The following MGAM variants were observed in gnomAD, a reference collection of about 807,000 sequenced individuals.
MGAM encodes the protein maltase-glucoamylase.
Under a neutral mutation model 358.8 loss-of-function variants are expected in MGAM, and 253 were observed. That is an observed-to-expected ratio of 0.71 (90% confidence interval 0.64 to 0.78). The LOEUF is 0.78. Ranked by LOEUF, MGAM falls within the 30% of genes least tolerant of loss-of-function variation. The probability of loss-of-function intolerance (pLI) is 0.00; values close to 1 mark genes in which losing one functional copy is unlikely to be tolerated. For synonymous variants in MGAM, 1,105 were observed against 1,227.1 expected (o/e 0.90, Z 2.08); for missense variants, 3,080 against 3,432.6 (o/e 0.90, Z 2.57).
chr7:141,990,925 GT>G (rs1434735379), upstream of MGAM, among the ~76,000 whole-genome samples: 1 of 152,104 alleles, frequency 6.6e-6, no homozygotes, highest in Non-Finnish European at 1.5e-5. Context: ...TCTCTGTCCA[GT>G]AGCATTTGCT....
chr7:142,019,137 G>C (rs1554457388), intron 3 of MGAM, 62 bp from the exon 4 acceptor site: 3 of 1,543,500 alleles, frequency 1.9e-6, no homozygotes, highest in Non-Finnish European at 2.6e-6. Flanking sequence ...GATGTTTCGT[G>C]CTTTATAAAT....
chr7:142,081,935 C>T (rs1814334143), intron 50 of MGAM, 107 bp from the exon 51 acceptor site: 5 of 1,171,662 alleles, frequency 4.3e-6, no homozygotes, highest in Non-Finnish European at 6.2e-6. Flanking sequence ...GGGAGATGAA[C>T]AGCTTCTGGG....
chr7:142,050,136 T>C lies in MGAM; in HGVS notation c.2588-99T>C, dbSNP rs1585010592. On this transcript the variant is annotated intron_variant, in intron 22 of 70. Coordinates refer to ENST00000475668, the MANE Select transcript of MGAM (RefSeq NM_001365693.1). ...TCCATAAGGAAAAGGAAAACTGCTA[T>C]GTGTGACCTCAAGGCATAGCTGAAA... 1.7e-5 allele frequency: 19 copies of C among 1,124,090 alleles called. No homozygotes were observed. In the Admixed American group the frequency reaches 3.2e-4, roughly 19 times the overall value. The allele number at this position is 1,124,090 out of a possible 1,614,324, so 69.6% of individuals were successfully genotyped here.
Position 142,102,632 on chromosome 7 carries a change from A to G in MGAM, c.7966A>G (p.Thr2656Ala), listed in dbSNP as rs1206987147. The G allele has an allele frequency of 1.2e-6, 2 of 1,613,112 alleles. No homozygotes were observed. Among genetic ancestry groups the G allele is most frequent in the Non-Finnish European group, 1.7e-6 (2 of 1,179,580 alleles). The change falls in exon 69 of 71, where the codon ACC becomes GCC. Residue 2656 changes from threonine (T) to alanine (A), a missense_variant and splice_region_variant. This residue lies in a region of MGAM where 194 missense variants were observed against 172.8 expected (regional missense o/e 1.12). Transcript: ENST00000475668. The stretch of plus-strand genomic sequence containing the variant: ...TTTATCTTGTTTTTTGTTTGCAGAT[A>G]CCTATGGGAAAGGACTCTATTACTT... ...LFWDDGQSID[T>A]YGKGLYYLAS...
intron 40 of MGAM, among the ~76,000 whole-genome samples, chr7:142,066,349 C>T (rs1372857891): frequency 2.7e-5 from 4 of 145,848 alleles, no homozygotes; most frequent in African/African-American, 9.7e-5. Context: ...CAGAATTTTA[C>T]CAAATGTTCC....
At position 142,041,585 on chromosome 7, in the gene MGAM, T is replaced by C. The variant is rs1411309454; in HGVS notation, c.2498+739T>C. 4.0e-5 allele frequency among the ~76,000 whole-genome samples: 6 copies of C among 151,822 alleles called. No homozygotes were observed. The East Asian group carries it at 1.2e-3, about 29-fold the overall frequency. On this transcript the variant is annotated intron_variant, in intron 21 of 70. Transcript: ENST00000475668. The stretch of plus-strand genomic sequence containing the variant: ...TCCAAAGTCTTTCATTAATAGGGTA[T>C]TCAAAACCAATCACAACCTGGTTTC...
chr7:142,025,238 A>G (rs1806845630), intron 8 of MGAM, 89 bp downstream of exon 8: 1 of 996,458 alleles, frequency 1.0e-6, no homozygotes, highest in Admixed American at 2.0e-5. Context: ...GGATCCCTTT[A>G]AGAGTGACTG....
rs192658844 is a variant in MGAM at position 142,066,491 on chromosome 7, T to C, written c.4771-82T>C. 3.4e-5 allele frequency: 49 copies of C among 1,428,154 alleles called. 4 individuals carry two copies. Among genetic ancestry groups the C allele is most frequent in the South Asian group, 2.1e-4 (17 of 82,150 alleles). The allele number at this position is 1,428,154 out of a possible 1,614,324, so 88.5% of individuals were successfully genotyped here. ...TTGTTTAGCTGTGAGTGATCTTCAA[T>C]TGGAGTATGCTTTTAGTGACCTTCT... On this transcript the variant is annotated intron_variant, in intron 40 of 70. Coordinates refer to ENST00000475668, the MANE Select transcript of MGAM (RefSeq NM_001365693.1).
At chr7:142,055,958 A>G (rs1276457632) in intron 28 of MGAM, 42 bp from the exon 29 acceptor site, 1 of 1,562,626 alleles carries the variant, frequency 6.4e-7, no homozygotes, top group African/African-American at 1.4e-5. Context: ...CTCAGGCATA[A>G]TGTCTTTTAA....
intron 58 of MGAM, 139 bp downstream of exon 58, chr7:142,092,186 C>G: frequency 8.1e-7 from 1 of 1,232,310 alleles, no homozygotes; most frequent in Non-Finnish European, 1.1e-6. Flanking sequence ...TTCCTCCTCT[C>G]AGGAGAGGAA....
intron 45 of MGAM, among the ~76,000 whole-genome samples, chr7:142,074,599 T>C (rs1171965315): frequency 6.8e-6 from 1 of 146,208 alleles, no homozygotes; most frequent in Non-Finnish European, 1.5e-5. Context: ...CGTTTTAGCA[T>C]ATTTGTGGGT....
rs759760380 is a variant in MGAM at position 142,076,248 on chromosome 7, C to T, written c.5321C>T (p.Thr1774Ile). Reference sequence around the variant, plus strand: ...TATCTTTTATGTGAGTTTTCTGTCACTCAAGTGAGTAGCATATTTTTATGA... The same window carrying T: ...TATCTTTTATGTGAGTTTTCTGTCATTCAAGTGAGTAGCATATTTTTATGA... The part of the protein sequence containing the change: ...KVYLLCEFSV[T>I]QNHLEVTISQ... Residue 1774 changes from threonine (T) to isoleucine (I), a missense_variant, in exon 46 of 71, where the codon ACT becomes ATT. Thr to Ile is a moderately conservative substitution (Grantham distance 89). This residue lies in a region of MGAM where 932 missense variants were observed against 1,198.2 expected (regional missense o/e 0.78). Transcript: ENST00000475668. 2.0e-6 allele frequency: 3 copies of T among 1,538,162 alleles called. No homozygotes were observed. The highest frequency in any genetic ancestry group is 2.2e-5 in the South Asian group (2 of 88,906).
intron 44 of MGAM, among the ~76,000 whole-genome samples, chr7:142,071,519 A>T (rs1465026103): frequency 6.8e-6 from 1 of 146,276 alleles, no homozygotes; most frequent in South Asian, 2.2e-4. Context: ...GCTAACAGCC[A>T]GGTGGTCAGC....
rs1366120943 is a variant in MGAM at position 142,050,097 on chromosome 7, T to C, written c.2588-138T>C. ...AAAGAAATGTGATACACATATACAA[T>C]TGAAAATTATTCATCCATAAGGAAA... is the stretch of plus-strand genomic sequence containing the variant. On this transcript the variant is annotated intron_variant, in intron 22 of 70. Transcript: ENST00000475668. The C allele has an allele frequency of 6.7e-6, 5 of 748,640 alleles. No individual in the cohort carries two copies. The Admixed American group carries it at 6.8e-5, about 10-fold the overall frequency. 46.4% of individuals were successfully genotyped at this position (748,640 alleles called of 1,614,324 possible). A position where few individuals can be genotyped will look rare whatever the true frequency, so the allele number is the denominator to read the frequency against.
In MGAM at chr7:142,094,298, C is replaced by G. The variant is rs111346089; in HGVS notation, c.7173-66C>G. On this transcript the variant is annotated intron_variant, in intron 60 of 70. Transcript: ENST00000475668. ...TGACTAGGCTCAAGGGCTCTGGGAG[C>G]AGATGCTCTATGGCCTTTGCTTCCT... 3,371 of 1,471,518 alleles carry G rather than the reference C, an allele frequency of 2.3e-3. 190 individuals carry two copies. The African/African-American group carries it at 0.04, about 18-fold the overall frequency. The allele number at this position is 1,471,518 out of a possible 1,614,324, so 91.2% of individuals were successfully genotyped here.
chr7:142,085,848 G>C lies in MGAM; in HGVS notation c.6523G>C (p.Asp2175His), dbSNP rs573177212. The change falls in exon 55 of 71, where the codon GAC (aspartate) becomes CAC (histidine). Residue 2175 changes from aspartate (D) to histidine (H), a missense_variant. Asp to His is a moderately conservative substitution (Grantham distance 81). Transcript: ENST00000475668. ...AQIPYDVQYS[D>H]IDYMERQLDF... ...CCTCCCGCAGGACGTGCAGTACTCA[G>C]ACATCGACTACATGGAGCGGCAGCT... is the stretch of plus-strand genomic sequence containing the variant. 116 of 1,565,320 alleles carry C rather than the reference G, an allele frequency of 7.4e-5. 11 individuals carry two copies. The Middle Eastern group carries it at 1.7e-3, about 23-fold the overall frequency.
intron 50 of MGAM, 77 bp from the exon 51 acceptor site, chr7:142,081,965 T>C (rs2043209918): frequency 1.4e-6 from 2 of 1,386,506 alleles, no homozygotes; most frequent in East Asian, 2.3e-5. Flanking sequence ...AGTGTTCTGT[T>C]GTCCTTGAAA....
chr7:142,103,423 A>G lies in MGAM; in HGVS notation c.8168A>G (p.Asn2723Ser), dbSNP rs1180682458. 1 of 1,606,698 alleles carries G rather than the reference A, an allele frequency of 6.2e-7. No homozygotes were observed. The highest frequency in any genetic ancestry group is 2.2e-5 in the East Asian group (1 of 44,808). ...SGMVITPSFN[N>S]DPTTQVLSID... ...ATGGTCATAACACCCTCCTTCAACA[A>G]TGACCCCACGACACAGGTTTGTGAC... Residue 2723 changes from asparagine (N) to serine (S), a missense_variant, in exon 70 of 71, where the codon AAT becomes AGT. By Grantham distance (46) the Asn-to-Ser change is conservative. Coordinates refer to ENST00000475668, the MANE Select transcript of MGAM (RefSeq NM_001365693.1).
At chr7:141,997,305 G>A (rs1253844190) in intron 1 of MGAM, among the ~76,000 whole-genome samples, 7 of 152,166 alleles carry the variant, frequency 4.6e-5, no homozygotes, top group Non-Finnish European at 1.0e-4. Context: ...GGTGTGCAAA[G>A]AGGGGGTGAG....
Sources: allele counts gnomAD v4.1 joint callset (sites outside exome capture counted in the v4.1 genomes callset), GRCh38; gene constraint gnomAD v4.1.1; regional missense constraint gnomAD v4.1.1; transcripts MANE v1.5; gene names NCBI Gene and HGNC (gene_info 2026-07-23, HGNC 2026-07-21).